Variants in LRRC4C observed in about 807,000 individuals in gnomAD.
The protein encoded by LRRC4C is leucine-rich repeat-containing protein 4C.
A neutral mutation model predicts 33.6 loss-of-function variants in LRRC4C; 5 were observed. The ratio of observed to expected loss-of-function variants is 0.15; its 90% CI spans 0.08 to 0.31. LRRC4C has a LOEUF of 0.31. LRRC4C is among the 10% of genes least tolerant of loss of function. LRRC4C has a pLI of 1.00. For synonymous variants in LRRC4C, 329 were observed against 302.0 expected, an observed-to-expected ratio of 1.09 and a Z score of -0.93; for missense variants, 560 against 796.7, an observed-to-expected ratio of 0.70 and a Z score of 3.58.
chr11:40,842,764 T>C (rs1320361676), intron 2 of LRRC4C, among the ~76,000 whole-genome samples: 1 of 152,128 alleles, frequency 6.6e-6, no homozygotes, highest in African/African-American at 2.4e-5. Flanking sequence ...AGAACCGTGG[T>C]TCTCAAGTGG....
chr11:41,226,225 T>C (rs1165295822), intron 1 of LRRC4C, among the ~76,000 whole-genome samples: 1 of 152,152 alleles, frequency 6.6e-6, no homozygotes, highest in Non-Finnish European at 1.5e-5. Flanking sequence ...CTTTCTGAGA[T>C]GAGTGTAGTG....
At chr11:41,073,920 T>C (rs904885174) in intron 1 of LRRC4C, among the ~76,000 whole-genome samples, 3 of 152,204 alleles carry the variant, frequency 2.0e-5, no homozygotes, top group Admixed American at 6.5e-5. Context: ...ACATACATAA[T>C]CACAGTAAAT....
chr11:41,090,180 A>G (rs1940304134), intron 1 of LRRC4C, among the ~76,000 whole-genome samples: 1 of 152,128 alleles, frequency 6.6e-6, no homozygotes, highest in African/African-American at 2.4e-5. Context: ...CAGTGCCAGA[A>G]GAATGTGCAT....
intron 2 of LRRC4C, among the ~76,000 whole-genome samples, chr11:40,878,596 A>G (rs1346443136): frequency 6.6e-6 from 1 of 152,190 alleles, no homozygotes; most frequent in Non-Finnish European, 1.5e-5. Context: ...GGGAGTGGCT[A>G]TAAATACAGA....
chr11:41,070,192 T>G (rs1938571667), intron 1 of LRRC4C, among the ~76,000 whole-genome samples: 1 of 152,156 alleles, frequency 6.6e-6, no homozygotes, highest in African/African-American at 2.4e-5. Context: ...TAATAAATGG[T>G]GCTGAGAAAA....
intron 2 of LRRC4C, among the ~76,000 whole-genome samples, chr11:40,862,055 C>T (rs928401589): frequency 3.3e-5 from 5 of 152,140 alleles, no homozygotes; most frequent in Non-Finnish European, 7.4e-5. Flanking sequence ...TTGGGAAAGG[C>T]TCTGTACCTC....
At chr11:41,100,510 G>A (rs1175637943) in intron 1 of LRRC4C, among the ~76,000 whole-genome samples, 1 of 152,040 alleles carries the variant, frequency 6.6e-6, no homozygotes, top group African/African-American at 2.4e-5. Flanking sequence ...GAGGTTTGCA[G>A]TGAGCTGAGA....
chr11:41,341,508 C>T (rs1294714293), intron 1 of LRRC4C, among the ~76,000 whole-genome samples: 2 of 152,084 alleles, frequency 1.3e-5, no homozygotes, highest in East Asian at 3.9e-4. Flanking sequence ...ACCATGCCTG[C>T]TTTTCCCCCC....
Position 41,261,961 on chromosome 11 carries a change from G to C in LRRC4C, c.-496+197470C>G, listed in dbSNP as rs1440679508. ...GGAACTAGGGACATTCTAAAGGAGA[G>C]AAAAATCTTCATTCTCTGTGGGGAG... On this transcript the variant is annotated intron_variant, in intron 1 of 6. Coordinates refer to ENST00000528697, the MANE Select transcript of LRRC4C (RefSeq NM_001258419.2). Among the ~76,000 whole-genome samples the C allele has an allele frequency of 2.0e-5, 3 of 152,000 alleles. No individual in the cohort carries two copies. The East Asian group carries it at 5.8e-4, about 29-fold the overall frequency.
At chr11:40,728,372 G>A (rs112859430) in intron 2 of LRRC4C, among the ~76,000 whole-genome samples, 6,316 of 151,952 alleles carry the variant, frequency 0.042, 437 homozygotes, top group African/African-American at 0.14. Context: ...TTGGGAGGCC[G>A]AGGCGGACGG....
At position 40,964,829 on chromosome 11, in the gene LRRC4C, A is replaced by G. The variant is rs572346227; in HGVS notation, c.-495-31106T>C. Among the ~76,000 whole-genome samples the G allele has an allele frequency of 5.3e-5, 8 of 152,000 alleles. No individual in the cohort carries two copies. The South Asian group carries it at 1.7e-3, about 32-fold the overall frequency. On this transcript the variant is annotated intron_variant, in intron 1 of 6. Coordinates refer to ENST00000528697, the MANE Select transcript of LRRC4C (RefSeq NM_001258419.2). ...TATTGTGAATAGTGCCACAATAAAC[A>G]TGCGTGTGCATGTGTCTTTATAGCA... is the stretch of plus-strand genomic sequence containing the variant.
intron 1 of LRRC4C, among the ~76,000 whole-genome samples, chr11:41,369,622 T>C (rs946903364): frequency 7.2e-5 from 11 of 152,084 alleles, no homozygotes; most frequent in Non-Finnish European, 1.6e-4. Context: ...TTATGCTAGA[T>C]CTAAAAGTAC....
At chr11:40,996,487 G>C (rs1023193468) in intron 1 of LRRC4C, among the ~76,000 whole-genome samples, 2 of 152,286 alleles carry the variant, frequency 1.3e-5, no homozygotes, top group Non-Finnish European at 1.5e-5. Flanking sequence ...TTTGGAAGGA[G>C]ATGAAATAAT....
intron 1 of LRRC4C, among the ~76,000 whole-genome samples, chr11:41,005,589 G>A (rs1353996402): frequency 6.6e-6 from 1 of 152,078 alleles, no homozygotes; most frequent in Non-Finnish European, 1.5e-5. Context: ...GGGTGACAGA[G>A]TGAGACTCCA....
chr11:41,405,907 T>TA (rs1327966377), intron 1 of LRRC4C, among the ~76,000 whole-genome samples: 1 of 152,076 alleles, frequency 6.6e-6, no homozygotes, highest in Non-Finnish European at 1.5e-5. Flanking sequence ...TAGTGAAAGA[T>TA]AAAAAATATA....
chr11:40,798,306 T>C (rs987802566), intron 2 of LRRC4C, among the ~76,000 whole-genome samples: 8 of 152,176 alleles, frequency 5.3e-5, no homozygotes, highest in African/African-American at 1.9e-4. Flanking sequence ...TTGACCAGTT[T>C]TCCCCATCCA....
chr11:40,316,406 G>GTCCAGTTAATCAGTTAATGACCTT (rs1945575627), intron 4 of LRRC4C, among the ~76,000 whole-genome samples: 1 of 151,942 alleles, frequency 6.6e-6, no homozygotes, highest in Admixed American at 6.6e-5. Flanking sequence ...CTGTTGCTTT[G>GTCCAGTTAATCAGTTAATGACCTT]TCCAGTTAAT....
chr11:41,438,614 AAGAG>A (rs1327044711), intron 1 of LRRC4C, among the ~76,000 whole-genome samples: 5 of 152,190 alleles, frequency 3.3e-5, no homozygotes, highest in Admixed American at 6.5e-5. Context: ...ACTGTGAATA[AAGAG>A]AGAATGACAT....
intron 1 of LRRC4C, among the ~76,000 whole-genome samples, chr11:41,263,407 T>C (rs914953577): frequency 6.6e-6 from 1 of 152,124 alleles, no homozygotes; most frequent in Non-Finnish European, 1.5e-5. Flanking sequence ...GACTAGAACA[T>C]ACAATTTTTC....
Sources: gnomAD v4.1 joint callset for allele counts (sites outside exome capture counted in the v4.1 genomes callset) on GRCh38, gnomAD v4.1.1 for gene constraint, MANE v1.5 for transcripts, NCBI Gene and HGNC (gene_info 2026-07-23, HGNC 2026-07-21) for gene names.